TBC1D15: variants seen among roughly 807,000 people sequenced by gnomAD.
TBC1D15 encodes the protein TBC1 domain family member 15.
TBC1D15 carries 39 observed loss-of-function variants against 95.4 expected under a neutral mutation model. The ratio of observed to expected loss-of-function variants is 0.41; its 90% CI spans 0.32 to 0.53. TBC1D15 has a LOEUF of 0.53. Among genes scored for constraint, TBC1D15 ranks in the 20% least tolerant of loss-of-function variants. The pLI is 0.29. For missense variants in TBC1D15, 733 were observed against 794.3 expected, an observed-to-expected ratio of 0.92 and a Z score of 0.93; for synonymous variants, 258 against 261.3, an observed-to-expected ratio of 0.99 and a Z score of 0.12.
At chr12:71,868,848 A>G (rs901152881) in intron 1 of TBC1D15, 5 of 152,158 alleles carry the variant, frequency 3.3e-5, no homozygotes, top group East Asian at 1.9e-4. Context: ...TTTTTCCACT[A>G]TGAGAGTTAG....
At chr12:71,892,628 A>G (rs564009757) in intron 5 of TBC1D15, among the ~76,000 whole-genome samples, 2 of 151,930 alleles carry the variant, frequency 1.3e-5, no homozygotes, top group Non-Finnish European at 3.0e-5. Flanking sequence ...GTATTACCCA[A>G]CCATTCATAA....
At chr12:71,868,625 A>G (rs979872934) in intron 1 of TBC1D15, among the ~76,000 whole-genome samples, 48 of 152,334 alleles carry the variant, frequency 3.2e-4, no homozygotes, top group African/African-American at 1.0e-3. Flanking sequence ...AACTCTTTCA[A>G]CTTTTTCTTA....
chr12:71,856,553 C>T (rs1889120073), intron 1 of TBC1D15, among the ~76,000 whole-genome samples: 1 of 151,982 alleles, frequency 6.6e-6, no homozygotes, highest in African/African-American at 2.4e-5. Flanking sequence ...TTGACCTTTA[C>T]CTTCTTGGGA....
At chr12:71,901,718 T>C (rs1033394354) in intron 10 of TBC1D15, among the ~76,000 whole-genome samples, 1 of 151,928 alleles carries the variant, frequency 6.6e-6, no homozygotes, top group African/African-American at 2.4e-5. Context: ...GGATACCCAC[T>C]CTGACACTTT....
chr12:71,841,327 C>G (rs1199235793), intron 1 of TBC1D15: 1 of 152,322 alleles, frequency 6.6e-6, no homozygotes, highest in East Asian at 1.9e-4. Context: ...CTTTCATAGT[C>G]TGACTTCTTA....
chr12:71,915,968 AC>A (rs1903611222), intron 12 of TBC1D15, among the ~76,000 whole-genome samples: 1 of 152,034 alleles, frequency 6.6e-6, no homozygotes, highest in African/African-American at 2.4e-5. Flanking sequence ...GTAAGTTTGT[AC>A]TACCTTTGTG....
intron 11 of TBC1D15, among the ~76,000 whole-genome samples, chr12:71,911,555 T>C (rs1365700183): frequency 7.2e-6 from 1 of 138,416 alleles, no homozygotes; most frequent in Non-Finnish European, 1.5e-5. Context: ...TTCTCACTTA[T>C]AGGTGGGAAT....
At chr12:71,904,072 T>A (rs1352309953) in intron 10 of TBC1D15, among the ~76,000 whole-genome samples, 2 of 152,070 alleles carry the variant, frequency 1.3e-5, no homozygotes, top group South Asian at 4.1e-4. Flanking sequence ...AAAAAAGAAC[T>A]GAGCCCTGGG....
At chr12:71,873,157 T>C (rs1345747402) in intron 3 of TBC1D15, among the ~76,000 whole-genome samples, 154 bp downstream of exon 3, 2 of 152,210 alleles carry the variant, frequency 1.3e-5, no homozygotes, top group Non-Finnish European at 2.9e-5. Context: ...CATCCACCAG[T>C]ATCTAATTTT....
intron 8 of TBC1D15, 28 bp downstream of exon 8, chr12:71,896,103 T>C: frequency 6.4e-7 from 1 of 1,568,530 alleles, no homozygotes; most frequent in Non-Finnish European, 8.7e-7. Flanking sequence ...ATATGGCTTG[T>C]CTTATAAACT....
chr12:71,845,448 G>A (rs1196511354), intron 1 of TBC1D15, among the ~76,000 whole-genome samples: 1 of 152,200 alleles, frequency 6.6e-6, no homozygotes, highest in Non-Finnish European at 1.5e-5. Flanking sequence ...GGTGAAAGAA[G>A]CATTTAGAAT....
At chr12:71,852,431 T>C (rs887583381) in intron 1 of TBC1D15, among the ~76,000 whole-genome samples, 10 of 152,392 alleles carry the variant, frequency 6.6e-5, no homozygotes, top group African/African-American at 2.2e-4. Flanking sequence ...CTGGTAGTTA[T>C]GCAAATTTCT....
chr12:71,905,473 G>C (rs1266213772), intron 10 of TBC1D15, among the ~76,000 whole-genome samples: 1 of 151,996 alleles, frequency 6.6e-6, no homozygotes, highest in Admixed American at 6.6e-5. Context: ...CCACAGGCAG[G>C]CGTCACCATG....
intron 3 of TBC1D15, among the ~76,000 whole-genome samples, chr12:71,874,623 T>G (rs2138351464): frequency 6.9e-6 from 1 of 144,860 alleles, no homozygotes; most frequent in Admixed American, 6.8e-5. Flanking sequence ...TATTTACTAT[T>G]TTTTTTTTTT....
chr12:71,893,580 T>C (rs1377982483), intron 6 of TBC1D15, among the ~76,000 whole-genome samples: 2 of 151,916 alleles, frequency 1.3e-5, no homozygotes, highest in Non-Finnish European at 2.9e-5. Flanking sequence ...TTTATTATAA[T>C]ACTAAAATTA....
At chr12:71,914,566 A>C (rs765116574) in intron 12 of TBC1D15, among the ~76,000 whole-genome samples, 4 of 151,992 alleles carry the variant, frequency 2.6e-5, no homozygotes, top group Admixed American at 6.6e-5. Context: ...AGTCTCTTCA[A>C]GCAATCTCAG....
rs759924759 is a variant in TBC1D15 at position 71,858,826 on chromosome 12, GGATTACAGGCTT to G, written c.31-13241_31-13230del. ...TCCGCCTTGGTCTCCCAAAGTGTTG[GGATTACAGGCTT>G]GAGCCATCATGCCTGGCCACTGTTT... On this transcript the variant is annotated intron_variant, in intron 1 of 16. Transcript: ENST00000485960. Among the ~76,000 whole-genome samples the G allele has an allele frequency of 2.9e-4, 44 of 152,102 alleles. 1 individual carries two copies. The highest frequency in any genetic ancestry group is 1.5e-3 in the South Asian group (7 of 4,818).
chr12:71,920,791 G>A lies in TBC1D15; in HGVS notation c.1660G>A (p.Glu554Lys). The change falls in exon 15 of 17, where the codon GAA becomes AAA. Residue 554 changes from glutamate to lysine, a missense_variant. Physicochemically the swap from Glu to Lys is moderately conservative, Grantham distance 56 (BLOSUM62 1). Coordinates refer to ENST00000485960, the MANE Select transcript of TBC1D15 (RefSeq NM_001146213.3). ...TCTTCTTCTCTGTTGTGCTATTCTG[G>A]AATCAGAAAAGCAGCAAATAATGGA... The part of the protein sequence containing the change: ...FHLLLCCAIL[E>K]SEKQQIMEKH... The A allele has an allele frequency of 6.2e-7, 1 of 1,612,560 alleles. No homozygotes were observed. The highest frequency in any genetic ancestry group is 8.5e-7 in the Non-Finnish European group (1 of 1,179,328).
chr12:71,892,849 G>T (rs759980181), intron 5 of TBC1D15, among the ~76,000 whole-genome samples: 1 of 151,366 alleles, frequency 6.6e-6, no homozygotes, highest in East Asian at 1.9e-4. Flanking sequence ...GTCTGTTTTG[G>T]CTTTCTTTAA....
Sources: allele counts gnomAD v4.1 joint callset (sites outside exome capture counted in the v4.1 genomes callset), GRCh38; gene constraint gnomAD v4.1.1; transcripts MANE v1.5; gene names NCBI Gene and HGNC (gene_info 2026-07-23, HGNC 2026-07-21).